DCAF10: variants seen among roughly 807,000 people sequenced by gnomAD.
DCAF10 encodes DDB1- and CUL4-associated factor 10.
Under a neutral mutation model 51.9 loss-of-function variants are expected in DCAF10, and 19 were observed. The observed-to-expected ratio is 0.37, with a 90% CI of 0.26 to 0.54. The LOEUF (loss-of-function observed/expected upper bound fraction) is 0.54. Ranked by LOEUF, DCAF10 falls within the 20% of genes least tolerant of loss-of-function variation. DCAF10 has a pLI of 0.87. For synonymous variants in DCAF10, 291 were observed against 297.1 expected, an observed-to-expected ratio of 0.98 and a Z score of 0.21; for missense variants, 510 against 730.6, an observed-to-expected ratio of 0.70 and a Z score of 3.48.
At position 37,801,537 on chromosome 9, in the gene DCAF10, C is replaced by G; in HGVS notation, c.539+132C>G. 1 of 1,107,252 alleles carries G rather than the reference C, an allele frequency of 9.0e-7. No homozygotes were observed. Among genetic ancestry groups the G allele is most frequent in the African/African-American group, 1.7e-5 (1 of 60,458 alleles). 68.6% of individuals were successfully genotyped at this position (1,107,252 alleles called of 1,614,324 possible). ...CCGTTTGGGGCCGCTGGCCTTCGTG[C>G]CTCCTGGCACTTTCTGAAGCGCATT... On this transcript the variant is annotated intron_variant, in intron 1 of 6. Coordinates refer to ENST00000377724, the MANE Select transcript of DCAF10 (RefSeq NM_024345.5). This position sits in a 1 kb window ranked among gnomAD's most constrained non-coding sequence, Gnocchi z 5.5.
chr9:37,859,040 A>C (rs1242569156), intron 5 of DCAF10, among the ~76,000 whole-genome samples: 9 of 152,242 alleles, frequency 5.9e-5, no homozygotes, highest in Non-Finnish European at 1.2e-4. Context: ...TTCCAAATTA[A>C]TTCTTAAAAT....
Position 37,825,135 on chromosome 9 carries a change from T to C in DCAF10, c.653+5734T>C, listed in dbSNP as rs566168443. 3.5e-4 allele frequency among the ~76,000 whole-genome samples: 53 copies of C among 152,294 alleles called. 2 individuals are homozygous for C. The highest frequency in any genetic ancestry group is 2.7e-3 in the Admixed American group (42 of 15,292). ...CGGAGAAAAAGGAACACCTATACAC[T>C]GTTGGTGAGAGTGTAAATTAGTTCA... is the stretch of plus-strand genomic sequence containing the variant. On this transcript the variant is annotated intron_variant, in intron 2 of 6. Transcript: ENST00000377724.
At chr9:37,847,104 T>A (rs1468724578) in intron 3 of DCAF10, among the ~76,000 whole-genome samples, 2 of 151,058 alleles carry the variant, frequency 1.3e-5, no homozygotes, top group African/African-American at 4.9e-5. Flanking sequence ...AAATACAAAA[T>A]TAGCTGGGTG....
At chr9:37,825,867 A>G (rs931569227) in intron 2 of DCAF10, among the ~76,000 whole-genome samples, 2 of 151,738 alleles carry the variant, frequency 1.3e-5, no homozygotes, top group African/African-American at 4.8e-5. Context: ...AAAAATACAA[A>G]AAAACAAAAA....
chr9:37,815,004 T>C (rs979572862), intron 1 of DCAF10, among the ~76,000 whole-genome samples: 2 of 151,960 alleles, frequency 1.3e-5, no homozygotes, highest in African/African-American at 4.8e-5. Flanking sequence ...GAGGTAAAAA[T>C]AAAAGACTGA....
chr9:37,819,334 G>A lies in DCAF10; in HGVS notation c.586G>A (p.Asp196Asn). The change falls in exon 2 of 7, where the codon GAC becomes AAC. Residue 196 changes from aspartate to asparagine, a missense_variant. Physicochemically the swap from Asp to Asn is conservative, Grantham distance 23. Around this residue, in one of 4 missense-constraint regions of DCAF10, gnomAD observed 126 missense variants for 271.5 expected, o/e 0.46. Transcript: ENST00000377724. ...TGAACAAACTGAAGTTCTGCTTTTT[G>A]ACCCTATATCTTCAAAGCACATAAA... ...ACEQTEVLLF[D>N]PISSKHIKTL... 2 of 1,613,850 alleles carry A rather than the reference G, an allele frequency of 1.2e-6. No individual in the cohort carries two copies. Among genetic ancestry groups the A allele is most frequent in the Non-Finnish European group, 1.7e-6 (2 of 1,179,876 alleles).
chr9:37,828,854 G>A (rs1480593500), intron 2 of DCAF10, among the ~76,000 whole-genome samples: 1 of 152,088 alleles, frequency 6.6e-6, no homozygotes, highest in Non-Finnish European at 1.5e-5. Context: ...ATAACTTCCA[G>A]TTAGATTAAA....
At chr9:37,837,226 C>T (rs1269714682) in intron 2 of DCAF10, among the ~76,000 whole-genome samples, 2 of 151,900 alleles carry the variant, frequency 1.3e-5, no homozygotes, top group Non-Finnish European at 1.5e-5. Context: ...TTTGGGAGGC[C>T]GAGGCAGGCG....
At chr9:37,824,959 AAGTC>A (rs1829809600) in intron 2 of DCAF10, among the ~76,000 whole-genome samples, 1 of 152,218 alleles carries the variant, frequency 6.6e-6, no homozygotes, top group Non-Finnish European at 1.5e-5. Context: ...AAAGAATTAG[AAGTC>A]TACAATTATA....
At chr9:37,850,760 T>G (rs958469462) in intron 3 of DCAF10, among the ~76,000 whole-genome samples, 24 of 145,380 alleles carry the variant, frequency 1.7e-4, no homozygotes, top group African/African-American at 5.8e-4. Flanking sequence ...TTATATATAA[T>G]TGAAATTTGT....
At chr9:37,858,574 TG>T (rs772172121) in intron 5 of DCAF10, 2 of 151,488 alleles carry the variant, frequency 1.3e-5, no homozygotes, top group Admixed American at 6.6e-5. Context: ...GAGTTAAGAA[TG>T]AGGGAAGAGA....
In DCAF10 at chr9:37,864,023, C is replaced by A. The variant is rs547737691; in HGVS notation, c.*2515C>A. 9.3e-6 allele frequency: 1 copy of A among 107,374 alleles called. No individual in the cohort carries two copies. Among genetic ancestry groups the A allele is most frequent in the Non-Finnish European group, 2.0e-5 (1 of 48,986 alleles). 6.7% of individuals were successfully genotyped at this position (107,374 alleles called of 1,614,324 possible). On this transcript the variant is annotated 3_prime_UTR_variant, in exon 7 of 7. Transcript: ENST00000377724. Reference sequence around the variant, plus strand: ...AAATAGGGATGGGTATGGTGGCTCACGTCTGTAATCCCAGCACTTTGGGAG... The same window carrying A: ...AAATAGGGATGGGTATGGTGGCTCAAGTCTGTAATCCCAGCACTTTGGGAG...
At chr9:37,822,273 C>T (rs1204402320) in intron 2 of DCAF10, among the ~76,000 whole-genome samples, 2 of 151,940 alleles carry the variant, frequency 1.3e-5, no homozygotes, top group African/African-American at 4.8e-5. Flanking sequence ...TGGGTATCTA[C>T]CCAGAGGAAA....
At chr9:37,853,499 T>C (rs1255125647) in intron 3 of DCAF10, among the ~76,000 whole-genome samples, 1 of 150,278 alleles carries the variant, frequency 6.7e-6, no homozygotes, top group Non-Finnish European at 1.5e-5. Context: ...GAAGGAATGA[T>C]GAGCAAAAAG....
intron 3 of DCAF10, among the ~76,000 whole-genome samples, chr9:37,843,604 C>A (rs1830395783): frequency 6.6e-6 from 1 of 152,042 alleles, no homozygotes; most frequent in African/African-American, 2.4e-5. Context: ...TTTAAAAGAA[C>A]AGGTAAATTA....
intron 2 of DCAF10, among the ~76,000 whole-genome samples, chr9:37,824,880 TATA>T (rs991204872): frequency 6.6e-6 from 1 of 152,124 alleles, no homozygotes; most frequent in African/African-American, 2.4e-5. Context: ...ACCAAGAAGA[TATA>T]ATAATTATGA....
chr9:37,824,243 T>C (rs949875046), intron 2 of DCAF10, among the ~76,000 whole-genome samples: 1 of 152,132 alleles, frequency 6.6e-6, no homozygotes, highest in African/African-American at 2.4e-5. Context: ...ATGTAGGTAA[T>C]GGCTACATTA....
chr9:37,813,167 C>T (rs1829406885), intron 1 of DCAF10, among the ~76,000 whole-genome samples: 1 of 152,176 alleles, frequency 6.6e-6, no homozygotes, highest in African/African-American at 2.4e-5. Context: ...TTGGTGCTGT[C>T]ACAGCTCACG....
rs761098232 is a variant in DCAF10 at position 37,861,433 on chromosome 9, G to A, written c.1605G>A (p.Lys535=). 1 of 1,614,172 alleles carries A rather than the reference G, an allele frequency of 6.2e-7. No homozygotes were observed. The highest frequency in any genetic ancestry group is 1.3e-5 in the African/African-American group (1 of 75,040). Residue 535 remains lysine (K), a synonymous_variant, in exon 7 of 7, where the codon AAG becomes AAA. Transcript: ENST00000377724. The surrounding 1 kb of genome is among the most constrained non-coding windows in gnomAD (Gnocchi z 4.9). Reference sequence around the variant, plus strand: ...ATAATGATGTGGTACTGACAACAAAGTTCTCTCCAACACATTGTCAGATTG... The same window carrying A: ...ATAATGATGTGGTACTGACAACAAAATTCTCTCCAACACATTGTCAGATTG... ...YSHNDVVLTT[K]FSPTHCQIAS...
Sources: gnomAD v4.1 joint callset for allele counts (sites outside exome capture counted in the v4.1 genomes callset) on GRCh38, gnomAD v4.1.1 for gene constraint, gnomAD v4.1.1 regional missense constraint, Gnocchi (gnomAD v3.1) non-coding constraint, MANE v1.5 for transcripts, NCBI Gene and HGNC (gene_info 2026-07-23, HGNC 2026-07-21) for gene names.